The following SRRM4 variants were observed in gnomAD, a reference collection of about 807,000 sequenced individuals.
SRRM4 encodes the protein serine/arginine repetitive matrix protein 4.
SRRM4 carries 33 observed loss-of-function variants against 68.9 expected under a neutral mutation model. The observed-to-expected ratio is 0.48, with a 90% CI of 0.36 to 0.64. SRRM4 has a LOEUF of 0.64. Among genes scored for constraint, SRRM4 ranks in the 30% least tolerant of loss-of-function variants. SRRM4 has a pLI of 0.00. For missense variants in SRRM4, 817 were observed against 827.1 expected (o/e 0.99, Z 0.15); for synonymous variants, 318 against 318.8 (o/e 1.00, Z 0.03).
At chr12:119,095,413 A>G (rs35446494) in intron 1 of SRRM4, among the ~76,000 whole-genome samples, 3,882 of 152,298 alleles carry the variant, frequency 0.025, 84 homozygotes, top group Non-Finnish European at 0.037. Context: ...GGGTAGAACA[A>G]GTACCTGGGC....
intron 1 of SRRM4, among the ~76,000 whole-genome samples, chr12:118,996,310 T>C (rs930424466): frequency 5.3e-5 from 8 of 152,242 alleles, no homozygotes; most frequent in African/African-American, 1.7e-4. Flanking sequence ...GCTGTGCATA[T>C]TTAAATAATC....
intron 1 of SRRM4, among the ~76,000 whole-genome samples, chr12:118,995,806 C>T (rs888117171): frequency 6.6e-6 from 1 of 152,170 alleles, no homozygotes; most frequent in African/African-American, 2.4e-5. Flanking sequence ...ATCCGTTTAT[C>T]ATGCATTTAC....
chr12:118,987,155 T>A (rs762636844), intron 1 of SRRM4, among the ~76,000 whole-genome samples: 4 of 152,186 alleles, frequency 2.6e-5, no homozygotes, highest in Non-Finnish European at 5.9e-5. Flanking sequence ...CGCTAGTCAC[T>A]TCACCTCTTT....
chr12:119,121,805 C>T (rs1320200972), intron 5 of SRRM4, among the ~76,000 whole-genome samples: 1 of 152,148 alleles, frequency 6.6e-6, no homozygotes, highest in Non-Finnish European at 1.5e-5. Context: ...GTTATTACTA[C>T]CTTTATTGCT....
At chr12:119,015,957 T>G (rs1594027887) in intron 1 of SRRM4, among the ~76,000 whole-genome samples, 2 of 152,076 alleles carry the variant, frequency 1.3e-5, no homozygotes, top group East Asian at 3.9e-4. Flanking sequence ...CAAGAACCTT[T>G]GAATGCGATC....
At position 119,140,743 on chromosome 12, in the gene SRRM4, G is replaced by T. The variant is rs147127047; in HGVS notation, c.772-4638G>T. Among the ~76,000 whole-genome samples, 1,071 of 152,342 alleles carry T rather than the reference G, an allele frequency of 7.0e-3. 12 individuals carry two copies. The highest frequency in any genetic ancestry group is 0.022 in the African/African-American group (903 of 41,588). ...GTCGGAAACTTCTCACCTGAAGGCT[G>T]CAGCTTATGCTGTTGAGAATCTGTG... On this transcript the variant is annotated intron_variant, in intron 8 of 12. Transcript: ENST00000267260.
chr12:119,009,887 C>G (rs1025887866), intron 1 of SRRM4, among the ~76,000 whole-genome samples: 1 of 152,112 alleles, frequency 6.6e-6, no homozygotes, highest in Non-Finnish European at 1.5e-5. Flanking sequence ...TCAGATGTTC[C>G]CCCTTCGACT....
At chr12:119,042,806 T>A (rs1344221272) in intron 1 of SRRM4, among the ~76,000 whole-genome samples, 2 of 151,680 alleles carry the variant, frequency 1.3e-5, no homozygotes, top group Non-Finnish European at 2.9e-5. Context: ...GATGGGGGCA[T>A]GTGATAGAGT....
At chr12:119,023,764 T>C (rs1248992396) in intron 1 of SRRM4, among the ~76,000 whole-genome samples, 1 of 152,224 alleles carries the variant, frequency 6.6e-6, no homozygotes, top group Non-Finnish European at 1.5e-5. Flanking sequence ...CCATTTTCCC[T>C]CCCATTTCTT....
chr12:119,036,111 A>G (rs1435178987), intron 1 of SRRM4, among the ~76,000 whole-genome samples: 1 of 152,198 alleles, frequency 6.6e-6, no homozygotes, highest in East Asian at 1.9e-4. Flanking sequence ...TTTTGCCTGC[A>G]TGGAAAAATT....
At chr12:119,028,830 T>C (rs535047642) in intron 1 of SRRM4, among the ~76,000 whole-genome samples, 81 of 152,020 alleles carry the variant, frequency 5.3e-4, no homozygotes, top group Admixed American at 1.4e-3. Flanking sequence ...TGAAGGAAAA[T>C]AAATTTGAAT....
intron 1 of SRRM4, 36 bp from the exon 2 acceptor site, chr12:119,102,200 T>G: frequency 6.3e-7 from 1 of 1,583,392 alleles, no homozygotes; most frequent in Non-Finnish European, 8.6e-7. Context: ...CTCTGTATAT[T>G]CTAACACTTT....
chr12:119,069,711 A>G (rs1349141144), intron 1 of SRRM4: 1 of 152,054 alleles, frequency 6.6e-6, no homozygotes, highest in Non-Finnish European at 1.5e-5. Context: ...GAATGTTTCC[A>G]TTTTCTGGGC....
intron 1 of SRRM4, among the ~76,000 whole-genome samples, chr12:119,013,067 A>T (rs180934334): frequency 3.3e-4 from 51 of 152,334 alleles, no homozygotes; most frequent in Non-Finnish European, 4.4e-5. Context: ...ATGCCTTCAC[A>T]GTGGGGAAAC....
At chr12:119,139,684 GT>G in intron 8 of SRRM4, among the ~76,000 whole-genome samples, 1 of 152,260 alleles carries the variant, frequency 6.6e-6, no homozygotes, top group Admixed American at 6.5e-5. Flanking sequence ...CATGCTGGTT[GT>G]CCCCTTTGAG....
At chr12:119,144,970 G>A (rs1478074316) in intron 8 of SRRM4, among the ~76,000 whole-genome samples, 1 of 151,830 alleles carries the variant, frequency 6.6e-6, no homozygotes, top group Non-Finnish European at 1.5e-5. Context: ...TATTTTTTCA[G>A]GCCCATAGTT....
chr12:119,123,407 C>T (rs772338442), intron 6 of SRRM4, among the ~76,000 whole-genome samples: 1 of 152,040 alleles, frequency 6.6e-6, no homozygotes, highest in African/African-American at 2.4e-5. Context: ...ATAGAGTACA[C>T]GTTCCCAGCA....
At chr12:119,003,577 T>C (rs1953398815) in intron 1 of SRRM4, among the ~76,000 whole-genome samples, 2 of 152,042 alleles carry the variant, frequency 1.3e-5, no homozygotes, top group African/African-American at 4.8e-5. Context: ...AAATGAGGCA[T>C]CTGCCAGATA....
intron 3 of SRRM4, among the ~76,000 whole-genome samples, chr12:119,116,305 A>C (rs1338501250): frequency 1.3e-5 from 2 of 152,230 alleles, no homozygotes; most frequent in Non-Finnish European, 2.9e-5. Flanking sequence ...CCATGGACTC[A>C]GAGTAGCTCT....
Sources: gnomAD v4.1 joint callset for allele counts (sites outside exome capture counted in the v4.1 genomes callset) on GRCh38, gnomAD v4.1.1 for gene constraint, MANE v1.5 for transcripts, NCBI Gene and HGNC (gene_info 2026-07-23, HGNC 2026-07-21) for gene names.